Variants in FN1 observed in about 807,000 individuals in gnomAD.
FN1 encodes the protein fibronectin.
Under a neutral mutation model 297.3 loss-of-function variants are expected in FN1, and 106 were observed. That is an observed-to-expected ratio of 0.36 (90% CI 0.30 to 0.42). The LOEUF (loss-of-function observed/expected upper bound fraction) is 0.42, where lower values mean the gene tolerates loss of function less well. Among genes scored for constraint, FN1 ranks in the 10% least tolerant of loss-of-function variants. FN1 has a pLI of 1.00. For missense variants in FN1, 2,690 were observed against 3,124.9 expected (o/e 0.86, Z 3.32); for synonymous variants, 1,149 against 1,152.6 (o/e 1.00, Z 0.06).
chr2:215,407,236 A>T lies in FN1; in HGVS notation c.2604T>A (p.Ser868Arg), dbSNP rs1296834631. Reference protein sequence around the residue: ...LPETANSVTLSDLQPGVQYNI... With the variant: ...LPETANSVTLRDLQPGVQYNI... ...TATACTGAACACCAGGTTGCAAGTC[A>T]CTGAGGGTGACGGAGTTTGCAGTTT... The change falls in exon 18 of 46, where the codon AGT becomes AGA. Residue 868 changes from serine to arginine, a missense_variant. By Grantham distance (110) the Ser-to-Arg change is moderately radical. Coordinates refer to ENST00000354785, the MANE Select transcript of FN1 (RefSeq NM_212482.4). 1 of 1,614,160 alleles carries T rather than the reference A, an allele frequency of 6.2e-7. No individual in the cohort carries two copies. Among genetic ancestry groups the T allele is most frequent in the East Asian group, 2.2e-5 (1 of 44,876 alleles).
intron 26 of FN1, among the ~76,000 whole-genome samples, chr2:215,389,368 G>A (rs1304857544): frequency 6.6e-6 from 1 of 152,050 alleles, no homozygotes; most frequent in Non-Finnish European, 1.5e-5. Context: ...CTCTCAAAGT[G>A]CTGGGATTAC....
Position 215,423,752 on chromosome 2 carries a change from C to A in FN1, c.1217-226G>T, listed in dbSNP as rs973734157. On this transcript the variant is annotated intron_variant, in intron 8 of 45. Transcript: ENST00000354785. ...CTTTCACTGTCATTTCCCCAGCACC[C>A]CCCCCACAAAAGATTAAATGATAGC... Among the ~76,000 whole-genome samples the A allele has an allele frequency of 3.9e-5, 6 of 151,956 alleles. No homozygotes were observed. The East Asian group carries it at 9.7e-4, about 25-fold the overall frequency.
intron 13 of FN1, chr2:215,414,619 C>CA (rs2063171465): frequency 5.1e-6 from 6 of 1,182,514 alleles, no homozygotes; most frequent in Non-Finnish European, 6.6e-6. Context: ...CCAGCCCCCC[C>CA]ACCGCAAAAA....
At chr2:215,407,351 A>G (rs2061901689) in intron 17 of FN1, 30 bp from the exon 18 acceptor site, 1 of 1,573,546 alleles carries the variant, frequency 6.4e-7, no homozygotes. Flanking sequence ...AGTAAGATGC[A>G]CTGTTTTCTT....
chr2:215,408,120 C>A lies in FN1; in HGVS notation c.2506G>T (p.Ala836Ser), dbSNP rs564633358. ...ACGCTTAGCTGACCTGTGATGGGAGCCTGGGGTCTGCTCCAGCGAACAACA... is the reference window on the plus strand; with the variant it reads ...ACGCTTAGCTGACCTGTGATGGGAGACTGGGGTCTGCTCCAGCGAACAACA... ...SIVVRWSRPQ[A>S]PITGYRIVYS... Residue 836 changes from alanine (A) to serine (S), a missense_variant, in exon 17 of 46, where the codon GCT (alanine) becomes TCT (serine). By Grantham distance (99) the Ala-to-Ser change is moderately conservative (BLOSUM62 1). Coordinates refer to ENST00000354785, the MANE Select transcript of FN1 (RefSeq NM_212482.4). 1 of 1,613,918 alleles carries A rather than the reference C, an allele frequency of 6.2e-7. No homozygotes were observed. The highest frequency in any genetic ancestry group is 1.1e-5 in the South Asian group (1 of 91,072).
intron 26 of FN1, among the ~76,000 whole-genome samples, chr2:215,388,860 A>G (rs2059357810): frequency 6.6e-6 from 1 of 152,166 alleles, no homozygotes; most frequent in African/African-American, 2.4e-5. Context: ...CCATTTTGTA[A>G]ATGAAAAAAC....
rs2064248151 is a variant in FN1, at chr2:215,421,022, T to C, written c.1547-221A>G. ...TTTTCTTCCCAAAATGTGTAACTTT[T>C]GCAGAGGTTACAGTATGCTCAAGTA... On this transcript the variant is annotated intron_variant, in intron 10 of 45. Transcript: ENST00000354785. The C allele has an allele frequency of 5.7e-6, 3 of 526,694 alleles. No homozygotes were observed. The East Asian group carries it at 1.1e-4, about 19-fold the overall frequency. The allele number at this position is 526,694 out of a possible 1,614,324, so 32.6% of individuals were successfully genotyped here.
At chr2:215,431,526 A>G (rs1049044674) in intron 4 of FN1, among the ~76,000 whole-genome samples, 3 of 152,288 alleles carry the variant, frequency 2.0e-5, no homozygotes, top group Admixed American at 2.0e-4. Context: ...AATAAATTAT[A>G]TCTTGACGAA....
intron 4 of FN1, 41 bp downstream of exon 4, chr2:215,431,792 C>CTAAG (rs1317543580): frequency 6.2e-7 from 1 of 1,611,730 alleles, no homozygotes; most frequent in African/African-American, 1.3e-5. Flanking sequence ...CACATTAGAA[C>CTAAG]TAAGCATCCC....
Position 215,430,819 on chromosome 2 carries a change from G to T in FN1, c.581C>A (p.Ser194Tyr). The stretch of plus-strand genomic sequence containing the variant: ...CTCCCACGTTTCTCCGACCACATAG[G>T]AAGTCCCAGCAGCATGATCAAAACA... ...EKCFDHAAGT[S>Y]YVVGETWEKP... Residue 194 changes from serine to tyrosine, a missense_variant, in exon 5 of 46, where the codon TCC (serine) becomes TAC (tyrosine). Coordinates refer to ENST00000354785, the MANE Select transcript of FN1 (RefSeq NM_212482.4). 1.2e-6 allele frequency: 2 copies of T among 1,614,138 alleles called. No homozygotes were observed. The highest frequency in any genetic ancestry group is 2.2e-5 in the South Asian group (2 of 91,080).
intron 5 of FN1, among the ~76,000 whole-genome samples, chr2:215,430,137 G>C (rs1224450102): frequency 6.6e-6 from 1 of 152,160 alleles, no homozygotes; most frequent in Non-Finnish European, 1.5e-5. Context: ...ATTTGGATTT[G>C]ATTTTAAACT....
chr2:215,369,329 T>C (rs572463188), intron 41 of FN1, among the ~76,000 whole-genome samples: 1 of 152,200 alleles, frequency 6.6e-6, no homozygotes, highest in African/African-American at 2.4e-5. Flanking sequence ...TAAGCATTAC[T>C]GTGGATATGT....
intron 21 of FN1, 144 bp downstream of exon 21, chr2:215,399,113 T>C (rs530811318): frequency 8.5e-6 from 6 of 708,478 alleles, no homozygotes; most frequent in Non-Finnish European, 1.3e-5. Context: ...TGTTAGGCCC[T>C]GACAATGTAG....
intron 21 of FN1, among the ~76,000 whole-genome samples, chr2:215,398,114 G>T (rs982601418): frequency 6.6e-5 from 10 of 152,194 alleles, no homozygotes; most frequent in African/African-American, 2.4e-4. Flanking sequence ...GCTTGATAAA[G>T]AATCTCTTGT....
chr2:215,364,652 CCATT>C lies in FN1; in HGVS notation c.7251+223_7251+226del, dbSNP rs1402619226. 8.5e-6 allele frequency: 5 copies of C among 588,732 alleles called. No homozygotes were observed. The East Asian group carries it at 8.5e-5, about 10-fold the overall frequency. The allele number at this position is 588,732 out of a possible 1,614,324, so 36.5% of individuals were successfully genotyped here. On this transcript the variant is annotated intron_variant, in intron 44 of 45. Coordinates refer to ENST00000354785, the MANE Select transcript of FN1 (RefSeq NM_212482.4). ...ACTTGTGTTTTTGGTACTCTACATG[CCATT>C]CATTCATTCTTTCTACTAAGAGTAA... is the stretch of plus-strand genomic sequence containing the variant.
rs1559475044 is a variant in FN1, at chr2:215,401,235, A to AAGGAAGGAAGGAAGGAAGG, written c.3254-1885_3254-1884insCCTTCCTTCCTTCCTTCCT. Among the ~76,000 whole-genome samples the AAGGAAGGAAGGAAGGAAGG allele has an allele frequency of 1.2e-3, 71 of 58,116 alleles. 3 individuals are homozygous for AAGGAAGGAAGGAAGGAAGG. The highest frequency in any genetic ancestry group is 4.5e-3 in the African/African-American group (68 of 14,960). The allele number at this position is 58,116 out of a possible 152,430, so 38.1% of individuals were successfully genotyped here. On this transcript the variant is annotated intron_variant, in intron 20 of 45. Transcript: ENST00000354785. ...GAAAGAAAGAAAGAAAGAAAGAAAGAAAGAAAGAAAGAAAGGAAGAAAGAA... is the reference window on the plus strand; with the variant it reads ...GAAAGAAAGAAAGAAAGAAAGAAAGAAGGAAGGAAGGAAGGAAGGAAGAAAGAAAGAAAGGAAGAAAGAA...
At chr2:215,433,197 C>A in intron 3 of FN1, 127 bp downstream of exon 3, 2 of 1,136,410 alleles carry the variant, frequency 1.8e-6, no homozygotes, top group Non-Finnish European at 2.6e-6. Context: ...CTTAAGAGTA[C>A]CTGGTCACCA....
chr2:215,430,415 C>G (rs1311906660), intron 5 of FN1, among the ~76,000 whole-genome samples: 1 of 152,104 alleles, frequency 6.6e-6, no homozygotes, highest in Non-Finnish European at 1.5e-5. Context: ...ATCAATTTAG[C>G]CTGTGAATGT....
At chr2:215,368,766 G>A (rs2106194623) in intron 41 of FN1, among the ~76,000 whole-genome samples, 1 of 152,244 alleles carries the variant, frequency 6.6e-6, no homozygotes, top group African/African-American at 2.4e-5. Context: ...TTGGAATATA[G>A]ATGATTTAGG....
Sources: allele counts gnomAD v4.1 joint callset (sites outside exome capture counted in the v4.1 genomes callset), GRCh38; gene constraint gnomAD v4.1.1; transcripts MANE v1.5; gene names NCBI Gene and HGNC (gene_info 2026-07-23, HGNC 2026-07-21).